Variants in NT5DC3 observed in about 807,000 individuals in gnomAD.
The protein encoded by NT5DC3 is 5'-nucleotidase domain-containing protein 3.
In NT5DC3, 42 loss-of-function variants were observed where a neutral mutation model predicts 67.8. That is an observed-to-expected ratio of 0.62 (90% CI 0.48 to 0.80). NT5DC3 has a LOEUF of 0.80. NT5DC3 is among the 30% of genes least tolerant of loss of function. NT5DC3 has a pLI of 0.00. For missense variants in NT5DC3, 570 were observed against 696.4 expected (o/e 0.82, Z 2.04); for synonymous variants, 237 against 255.6 (o/e 0.93, Z 0.69).
Position 103,788,885 on chromosome 12 carries a change from G to A in NT5DC3, c.1054C>T (p.Leu352Phe). 2 of 1,613,414 alleles carry A rather than the reference G, an allele frequency of 1.2e-6. No homozygotes were observed. Among genetic ancestry groups the A allele is most frequent in the Non-Finnish European group, 8.5e-7 (1 of 1,179,404 alleles). Residue 352 changes from leucine (L) to phenylalanine (F), a missense_variant, in exon 10 of 14, where the codon CTC becomes TTC. Around this residue, in one of 2 missense-constraint regions of NT5DC3, gnomAD observed 466 missense variants for 608.0 expected, o/e 0.77. Transcript: ENST00000392876. ...FRKMNEKGVL[L>F]WDKIHKLQKG... ...TGCAACTTATGGATTTTATCCCAGAGTAAGACACCTTTCTCATTCATCTTT... is the reference window on the plus strand; with the variant it reads ...TGCAACTTATGGATTTTATCCCAGAATAAGACACCTTTCTCATTCATCTTT...
At chr12:103,794,587 T>C (rs1886229234) in intron 6 of NT5DC3, among the ~76,000 whole-genome samples, 1 of 152,246 alleles carries the variant, frequency 6.6e-6, no homozygotes. Context: ...AAGTCCCACA[T>C]GATAGACAGT....
intron 2 of NT5DC3, among the ~76,000 whole-genome samples, chr12:103,810,356 T>C (rs975656096): frequency 6.6e-6 from 1 of 152,152 alleles, no homozygotes. Flanking sequence ...AACAGTGACA[T>C]CCAGCCCAAG....
chr12:103,820,300 A>G (rs1409427733), intron 1 of NT5DC3, among the ~76,000 whole-genome samples: 1 of 151,982 alleles, frequency 6.6e-6, no homozygotes, highest in Admixed American at 6.6e-5. Context: ...CCTATTTTTC[A>G]TTGTTTTAGG....
rs780041052 is a variant in NT5DC3 at position 103,787,446 on chromosome 12, G to C, written c.1183C>G (p.Leu395Val). The C allele has an allele frequency of 1.3e-6, 2 of 1,563,000 alleles. No individual in the cohort carries two copies. The highest frequency in any genetic ancestry group is 2.3e-5 in the East Asian group (1 of 44,308). The change falls in exon 11 of 14, where the codon CTG (leucine) becomes GTG (valine). Residue 395 changes from leucine to valine, a missense_variant. By Grantham distance (32) the Leu-to-Val change is conservative. This residue lies in a region of NT5DC3 where 466 missense variants were observed against 608.0 expected (regional missense o/e 0.77). Coordinates refer to ENST00000392876, the MANE Select transcript of NT5DC3 (RefSeq NM_001031701.3). The part of the protein sequence containing the change: ...LYFGDHIYSD[L>V]ADLTLKHGWR... The stretch of plus-strand genomic sequence containing the variant: ...AGGAAAAAAGGGCCCCTCACCGCCA[G>C]GTCACTGTATATATGGTCACCAAAA...
At chr12:103,787,916 T>A (rs1456870466) in intron 10 of NT5DC3, among the ~76,000 whole-genome samples, 2 of 151,498 alleles carry the variant, frequency 1.3e-5, no homozygotes, top group African/African-American at 4.9e-5. Context: ...TTGTATTAGC[T>A]ATTATCTTCA....
chr12:103,789,714 T>C (rs1885956819), intron 9 of NT5DC3, among the ~76,000 whole-genome samples: 1 of 152,234 alleles, frequency 6.6e-6, no homozygotes, highest in Non-Finnish European at 1.5e-5. Flanking sequence ...CACTAGTTTA[T>C]GGTGGAAATT....
downstream of NT5DC3, among the ~76,000 whole-genome samples, chr12:103,769,400 C>A (rs1215861763): frequency 6.6e-6 from 1 of 152,240 alleles, no homozygotes; most frequent in Non-Finnish European, 1.5e-5. Context: ...CACCTCTTGA[C>A]AACTTGGTTC....
At chr12:103,822,865 T>C (rs1000787177) in intron 1 of NT5DC3, among the ~76,000 whole-genome samples, 2 of 152,220 alleles carry the variant, frequency 1.3e-5, no homozygotes, top group South Asian at 2.1e-4. Flanking sequence ...TAAAGATTTA[T>C]ATGCAAACAT....
At chr12:103,807,687 A>T (rs1214435043) in intron 2 of NT5DC3, among the ~76,000 whole-genome samples, 2 of 152,190 alleles carry the variant, frequency 1.3e-5, no homozygotes, top group East Asian at 3.9e-4. Flanking sequence ...GTTTGGCTCT[A>T]TGTCCCCAGC....
At chr12:103,794,070 C>T in intron 6 of NT5DC3, 73 bp from the exon 7 acceptor site, 1 of 1,155,676 alleles carries the variant, frequency 8.7e-7, no homozygotes, top group Non-Finnish European at 1.3e-6. Flanking sequence ...AGTGAAATGG[C>T]AGTCATGGTA....
intron 2 of NT5DC3, among the ~76,000 whole-genome samples, chr12:103,814,379 G>C (rs990784469): frequency 2.6e-5 from 4 of 152,160 alleles, no homozygotes; most frequent in African/African-American, 9.7e-5. Flanking sequence ...CAAAGGGTAC[G>C]GGCCCACAAG....
chr12:103,762,321 C>G, the NT5DC3 span: 1 of 1,614,252 alleles, frequency 6.2e-7, no homozygotes, highest in Non-Finnish European at 8.5e-7. Context: ...TTGCCATCAT[C>G]CTGGTGACTG....
Position 103,780,766 on chromosome 12 carries a change from A to G in NT5DC3, c.1330-402T>C, listed in dbSNP as rs144269521. ...TACAAACTATAATGTACAAATACTT[A>G]GTACATGCTACCTATTATACATATT... On this transcript the variant is annotated intron_variant, in intron 12 of 13. Coordinates refer to ENST00000392876, the MANE Select transcript of NT5DC3 (RefSeq NM_001031701.3). Among the ~76,000 whole-genome samples, 216 of 152,354 alleles carry G rather than the reference A, an allele frequency of 1.4e-3. 1 individual carries two copies. In the Middle Eastern group the frequency reaches 0.017, roughly 12 times the overall value.
At chr12:103,791,553 C>T (rs1322192625) in intron 9 of NT5DC3, among the ~76,000 whole-genome samples, 1 of 152,176 alleles carries the variant, frequency 6.6e-6, no homozygotes, top group Non-Finnish European at 1.5e-5. Flanking sequence ...CTTAAACCCT[C>T]AATAAACTCC....
At chr12:103,820,622 G>C (rs935770563) in intron 1 of NT5DC3, among the ~76,000 whole-genome samples, 3 of 152,290 alleles carry the variant, frequency 2.0e-5, no homozygotes, top group African/African-American at 7.2e-5. Flanking sequence ...AGCTGTCACA[G>C]AGCAGTGTGT....
chr12:103,806,234 C>T (rs902864572), intron 4 of NT5DC3, 88 bp downstream of exon 4: 27 of 815,310 alleles, frequency 3.3e-5, no homozygotes, highest in Non-Finnish European at 4.5e-5. Context: ...CACTGCAGCC[C>T]TCTTCATCAT....
chr12:103,810,668 G>T (rs905512905), intron 2 of NT5DC3, among the ~76,000 whole-genome samples: 1 of 152,194 alleles, frequency 6.6e-6, no homozygotes, highest in Non-Finnish European at 1.5e-5. Flanking sequence ...CCTGTGTGCT[G>T]ATAAAGAGCA....
intron 1 of NT5DC3, among the ~76,000 whole-genome samples, chr12:103,834,387 C>A (rs899106331): frequency 6.6e-6 from 1 of 152,094 alleles, no homozygotes; most frequent in Non-Finnish European, 1.5e-5. Context: ...AAGTATGTAA[C>A]CAGTACTCCT....
At chr12:103,837,864 T>C (rs1888217344) in intron 1 of NT5DC3, among the ~76,000 whole-genome samples, 1 of 152,236 alleles carries the variant, frequency 6.6e-6, no homozygotes, top group African/African-American at 2.4e-5. Context: ...CTCTGCCTGT[T>C]ACCCAGCTCC....
Sources: gnomAD v4.1 joint callset for allele counts (sites outside exome capture counted in the v4.1 genomes callset) on GRCh38, gnomAD v4.1.1 for gene constraint, gnomAD v4.1.1 regional missense constraint, MANE v1.5 for transcripts, NCBI Gene and HGNC (gene_info 2026-07-23, HGNC 2026-07-21) for gene names.